NCOR2: variants seen among roughly 807,000 people sequenced by gnomAD.
The protein encoded by NCOR2 is nuclear receptor corepressor 2, also known as CTG repeat protein 26.
A neutral mutation model predicts 262.9 loss-of-function variants in NCOR2; 81 were observed. The ratio of observed to expected loss-of-function variants is 0.31; its 90% CI spans 0.26 to 0.37. The LOEUF (loss-of-function observed/expected upper bound fraction) is 0.37, where lower values mean the gene tolerates loss of function less well. Among genes scored for constraint, NCOR2 ranks in the 10% least tolerant of loss-of-function variants. The pLI, the probability that NCOR2 is intolerant of heterozygous loss-of-function variation, is 1.00. For synonymous variants in NCOR2, 1,659 were observed against 1,559.3 expected, an observed-to-expected ratio of 1.06 and a Z score of -1.51; for missense variants, 3,385 against 3,621.4, an observed-to-expected ratio of 0.93 and a Z score of 1.68.
intron 1 of NCOR2, among the ~76,000 whole-genome samples, chr12:124,505,506 G>A (rs987066187): frequency 5.3e-5 from 8 of 152,210 alleles, no homozygotes; most frequent in African/African-American, 9.6e-5. Flanking sequence ...TCACTGAAAC[G>A]AGCCAGTGCC....
At chr12:124,361,038 G>A (rs992988882) in intron 22 of NCOR2, among the ~76,000 whole-genome samples, 8 of 151,466 alleles carry the variant, frequency 5.3e-5, no homozygotes, top group East Asian at 3.9e-4. Context: ...CAGCAGCCTC[G>A]GTGGACCCCG....
chr12:124,388,359 CTT>C (rs1329617904), intron 16 of NCOR2, among the ~76,000 whole-genome samples: 2 of 152,160 alleles, frequency 1.3e-5, no homozygotes, highest in Non-Finnish European at 2.9e-5. Context: ...GAGAGAAAGA[CTT>C]TCTACCCTAC....
intron 37 of NCOR2, among the ~76,000 whole-genome samples, chr12:124,338,834 C>T (rs543173875): frequency 1.3e-5 from 2 of 151,996 alleles, no homozygotes; most frequent in African/African-American, 2.4e-5. Context: ...TCCACTGGGG[C>T]CTCCATCCAC....
At chr12:124,521,529 G>A (rs375582561) in intron 1 of NCOR2, among the ~76,000 whole-genome samples, 14 of 152,136 alleles carry the variant, frequency 9.2e-5, no homozygotes, top group African/African-American at 2.4e-4. Flanking sequence ...GCATGATTCC[G>A]TCCAGGAGAA....
intron 1 of NCOR2, among the ~76,000 whole-genome samples, chr12:124,552,516 C>T (rs1490994832): frequency 6.6e-6 from 1 of 152,188 alleles, no homozygotes; most frequent in Non-Finnish European, 1.5e-5. Context: ...ATTCCAAGGT[C>T]ACCAATGGTA....
At chr12:124,410,180 C>A (rs1450211122) in intron 13 of NCOR2, among the ~76,000 whole-genome samples, 1 of 149,394 alleles carries the variant, frequency 6.7e-6, no homozygotes, top group Non-Finnish European at 1.5e-5. Context: ...CTTGAGATGT[C>A]CCCCAGGCCC....
intron 1 of NCOR2, chr12:124,556,306 C>T (rs2051881419): frequency 6.6e-6 from 1 of 152,392 alleles, no homozygotes; most frequent in Non-Finnish European, 1.5e-5. Context: ...ACCTGGGACT[C>T]CCAACGGGCA....
chr12:124,399,106 C>A (rs144782525), intron 15 of NCOR2, among the ~76,000 whole-genome samples: 1 of 152,016 alleles, frequency 6.6e-6, no homozygotes, highest in Non-Finnish European at 1.5e-5. Flanking sequence ...TGAGGAGTGG[C>A]GGAAGGTTCC....
chr12:124,337,347 C>A (rs1303650985), intron 37 of NCOR2, 167 bp from the exon 40 acceptor site: 2 of 820,838 alleles, frequency 2.4e-6, no homozygotes, highest in Non-Finnish European at 4.1e-6. Context: ...CATGGTTTGA[C>A]CCATCCCACT....
intron 18 of NCOR2, among the ~76,000 whole-genome samples, chr12:124,377,478 C>T (rs937371495): frequency 5.3e-5 from 8 of 152,184 alleles, no homozygotes; most frequent in Non-Finnish European, 8.8e-5. Context: ...ATAACTTGTA[C>T]AATATTTACC....
chr12:124,534,076 C>T (rs58517810), intron 1 of NCOR2, among the ~76,000 whole-genome samples: 3,199 of 152,156 alleles, frequency 0.021, 120 homozygotes, highest in African/African-American at 0.073. Context: ...AGGCTACCAC[C>T]TGTACGGCGT....
intron 15 of NCOR2, among the ~76,000 whole-genome samples, chr12:124,398,429 C>T (rs923644894): frequency 2.0e-4 from 31 of 152,252 alleles, no homozygotes; most frequent in African/African-American, 7.0e-4. Flanking sequence ...TGCCGTTGGT[C>T]GGGGCCAACC....
intron 24 of NCOR2, 84 bp from the exon 27 acceptor site, chr12:124,355,023 G>T: frequency 1.7e-6 from 2 of 1,174,218 alleles, no homozygotes; most frequent in Non-Finnish European, 1.2e-6. Context: ...TGTTCAAAAA[G>T]CCCACGTGTG....
chr12:124,324,446 C>A (rs963831753), exon 47 of NCOR2: 1 of 152,198 alleles, frequency 6.6e-6, no homozygotes, highest in Admixed American at 6.5e-5. Flanking sequence ...ATTAGAACGA[C>A]GTGTGTAAAT....
At position 124,531,751 on chromosome 12, in the gene NCOR2, G is replaced by T. The variant is rs1436004746; in HGVS notation, c.-118+3814C>A. Among the ~76,000 whole-genome samples the T allele has an allele frequency of 2.0e-5, 3 of 151,522 alleles. No individual in the cohort carries two copies. Among genetic ancestry groups the T allele is most frequent in the African/African-American group, 7.3e-5 (3 of 41,246 alleles). On this transcript the variant is annotated intron_variant, in intron 1 of 46. Transcript: ENST00000404621. This position sits in a 1 kb window ranked among gnomAD's most constrained non-coding sequence, Gnocchi z 4.5. ...CCCCCGAGAGGTGAGATCCCACCGG[G>T]CCAGGGCCCTAAAACCTCCCCCTAC...
chr12:124,394,571 G>A (rs2041532254), intron 16 of NCOR2, among the ~76,000 whole-genome samples: 1 of 152,236 alleles, frequency 6.6e-6, no homozygotes. Context: ...TGTAAGAAGA[G>A]GAAAATGTGG....
intron 1 of NCOR2, chr12:124,529,706 T>C (rs2050684401): frequency 6.6e-6 from 1 of 152,054 alleles, no homozygotes. Context: ...ACACATAAAA[T>C]CAAAACACAG....
chr12:124,416,878 C>T (rs1233206993), intron 13 of NCOR2, among the ~76,000 whole-genome samples: 2 of 146,476 alleles, frequency 1.4e-5, no homozygotes, highest in African/African-American at 2.5e-5. Context: ...ATAGACCCGC[C>T]GCACAGGGAG....
intron 7 of NCOR2, among the ~76,000 whole-genome samples, chr12:124,439,981 G>A (rs963206311): frequency 6.6e-6 from 1 of 151,888 alleles, no homozygotes; most frequent in East Asian, 1.9e-4. Flanking sequence ...CTGCTGCACC[G>A]AGACCCCAGG....
Sources: allele counts gnomAD v4.1 joint callset (sites outside exome capture counted in the v4.1 genomes callset), GRCh38; gene constraint gnomAD v4.1.1; non-coding constraint Gnocchi (gnomAD v3.1); transcripts MANE v1.5; gene names NCBI Gene and HGNC (gene_info 2026-07-23, HGNC 2026-07-21).